BCKDHB: variants seen among roughly 807,000 people sequenced by gnomAD.
BCKDHB encodes the protein branched chain keto acid dehydrogenase E1 subunit beta.
In BCKDHB, 41 loss-of-function variants were observed where a neutral mutation model predicts 48.5. The ratio of observed to expected loss-of-function variants is 0.85; its 90% CI spans 0.66 to 1.10. The LOEUF (loss-of-function observed/expected upper bound fraction) is 1.10, where lower values mean the gene tolerates loss of function less well. Ranked by LOEUF, BCKDHB falls within the 50% of genes least tolerant of loss-of-function variation. The probability of loss-of-function intolerance (pLI) is 0.00; values close to 1 mark genes in which losing one functional copy is unlikely to be tolerated. For synonymous variants in BCKDHB, 201 were observed against 174.8 expected, an observed-to-expected ratio of 1.15 and a Z score of -1.18; for missense variants, 496 against 494.2, an observed-to-expected ratio of 1.00 and a Z score of -0.03.
At chr6:80,229,767 GT>G (rs1775829863) in intron 8 of BCKDHB, among the ~76,000 whole-genome samples, 1 of 151,914 alleles carries the variant, frequency 6.6e-6, no homozygotes. Flanking sequence ...AAATCTATAG[GT>G]TTTCCTCATA....
rs774255890 is a variant in BCKDHB, at chr6:80,106,703, G to T, written c.10G>T (p.Val4Leu). The change falls in exon 1 of 10, where the codon GTA becomes TTA. Residue 4 changes from valine to leucine, a missense_variant. Val to Leu is a conservative substitution (Grantham distance 32, BLOSUM62 1). Transcript: ENST00000320393. ...CCGGTGGTGAGCGGGGATGGCGGTT[G>T]TAGCGGCGGCTGCCGGCTGGCTACT... is the stretch of plus-strand genomic sequence containing the variant. MAVVAAAAGWLLRL... is the reference protein window; with the variant it reads MAVLAAAAGWLLRL... 6 of 1,551,588 alleles carry T rather than the reference G, an allele frequency of 3.9e-6. No individual in the cohort carries two copies. In the African/African-American group the frequency reaches 5.5e-5, roughly 14 times the overall value.
chr6:80,401,452 A>G, the BCKDHB span, among the ~76,000 whole-genome samples: 3 of 151,678 alleles, frequency 2.0e-5, no homozygotes, highest in East Asian at 5.8e-4. Context: ...GCAAATGTTA[A>G]GTTATATGGT....
the BCKDHB span, among the ~76,000 whole-genome samples, chr6:80,436,147 CTTTTTTTTTTTTT>C: frequency 0.031 from 2,160 of 70,436 alleles, 90 homozygotes; most frequent in African/African-American, 0.092. Context: ...AAATTCTTTT[CTTTTTTTTTTTTT>C]TTTTTTTTTT....
At chr6:80,419,288 C>A in the BCKDHB span, among the ~76,000 whole-genome samples, 1 of 152,264 alleles carries the variant, frequency 6.6e-6, no homozygotes, top group South Asian at 2.1e-4. Flanking sequence ...GGCCACCATG[C>A]TGTAGTTCTC....
the BCKDHB span, among the ~76,000 whole-genome samples, chr6:80,431,797 T>C: frequency 1.3e-5 from 2 of 152,212 alleles, no homozygotes; most frequent in East Asian, 1.9e-4. Context: ...TGTCTTTTAA[T>C]TGGGACATTT....
chr6:80,122,644 G>A (rs1054732490), intron 1 of BCKDHB, among the ~76,000 whole-genome samples: 3 of 152,170 alleles, frequency 2.0e-5, no homozygotes, highest in African/African-American at 7.2e-5. Context: ...AAAACAGGGA[G>A]TAGGTACAAA....
At chr6:80,110,163 C>T (rs1769338565) in intron 1 of BCKDHB, among the ~76,000 whole-genome samples, 1 of 152,190 alleles carries the variant, frequency 6.6e-6, no homozygotes, top group Admixed American at 6.5e-5. Flanking sequence ...CTTTATTACA[C>T]TGTGTTGTTC....
chr6:80,295,239 C>T lies in BCKDHB; in HGVS notation c.1038+22018C>T, dbSNP rs575099426. Among the ~76,000 whole-genome samples, 7 of 152,170 alleles carry T rather than the reference C, an allele frequency of 4.6e-5. No individual in the cohort carries two copies. In the South Asian group the frequency reaches 6.2e-4, roughly 14 times the overall value. ...CTGTATTAGTGTGTTCTCATACTTC[C>T]GATAAAGACATACCTGAAACTGGGT... On this transcript the variant is annotated intron_variant, in intron 9 of 9. Transcript: ENST00000320393.
At chr6:80,422,847 A>G in the BCKDHB span, among the ~76,000 whole-genome samples, 2 of 152,166 alleles carry the variant, frequency 1.3e-5, no homozygotes, top group African/African-American at 2.4e-5. Context: ...TTACAGGCTT[A>G]TAGGTGGAAG....
intron 8 of BCKDHB, among the ~76,000 whole-genome samples, chr6:80,224,911 C>T (rs1369818566): frequency 6.6e-6 from 1 of 152,162 alleles, no homozygotes; most frequent in African/African-American, 2.4e-5. Context: ...GCTGAGCACC[C>T]ACTGGATTTT....
intron 3 of BCKDHB, among the ~76,000 whole-genome samples, chr6:80,154,337 C>G (rs1771934224): frequency 6.6e-6 from 1 of 152,086 alleles, no homozygotes; most frequent in African/African-American, 2.4e-5. Context: ...TTTACTGGGT[C>G]AGAATCAGAG....
chr6:80,218,650 T>C (rs961687716), intron 8 of BCKDHB, among the ~76,000 whole-genome samples: 4 of 152,304 alleles, frequency 2.6e-5, no homozygotes, highest in Middle Eastern at 3.4e-3. Flanking sequence ...TATTTTAATT[T>C]CTATATCTTA....
At chr6:80,272,554 A>G (rs180767963) in intron 8 of BCKDHB, among the ~76,000 whole-genome samples, 17 of 152,286 alleles carry the variant, frequency 1.1e-4, no homozygotes, top group Admixed American at 9.2e-4. Context: ...GAGAATACGT[A>G]CTCATTGTTT....
chr6:80,434,549 T>A, the BCKDHB span, among the ~76,000 whole-genome samples: 1 of 152,136 alleles, frequency 6.6e-6, no homozygotes, highest in Non-Finnish European at 1.5e-5. Flanking sequence ...TTGTGAATTT[T>A]TTTATTAAAT....
intron 6 of BCKDHB, among the ~76,000 whole-genome samples, chr6:80,186,534 C>T (rs141419778): frequency 2.5e-4 from 38 of 152,332 alleles, no homozygotes; most frequent in African/African-American, 7.5e-4. Context: ...TGCCCTTTTC[C>T]GTCTGCCTGC....
At chr6:80,383,392 A>T in the BCKDHB span, among the ~76,000 whole-genome samples, 1 of 151,956 alleles carries the variant, frequency 6.6e-6, no homozygotes, top group Non-Finnish European at 1.5e-5. Context: ...CTTTTTTGCC[A>T]TTCAATTTAT....
chr6:80,305,083 A>G (rs994361599), intron 9 of BCKDHB, among the ~76,000 whole-genome samples: 1 of 152,134 alleles, frequency 6.6e-6, no homozygotes, highest in Admixed American at 6.5e-5. Flanking sequence ...TTGACAGAAT[A>G]TGATTTTCTA....
At chr6:80,363,493 G>A in the BCKDHB span, among the ~76,000 whole-genome samples, 1 of 152,076 alleles carries the variant, frequency 6.6e-6, no homozygotes, top group East Asian at 1.9e-4. Context: ...GAGTCTTTGG[G>A]TGCAACTTTT....
the BCKDHB span, chr6:80,374,560 AG>A: frequency 1.5e-6 from 1 of 683,112 alleles, no homozygotes. Flanking sequence ...TCAAGTGTAT[AG>A]GGCACCATTT....
Sources: gnomAD v4.1 joint callset for allele counts (sites outside exome capture counted in the v4.1 genomes callset) on GRCh38, gnomAD v4.1.1 for gene constraint, MANE v1.5 for transcripts, NCBI Gene and HGNC (gene_info 2026-07-23, HGNC 2026-07-21) for gene names.